Variants in EXOC6B observed in about 807,000 individuals in gnomAD.
EXOC6B encodes the protein exocyst complex component 6B.
EXOC6B carries 54 observed loss-of-function variants against 113.5 expected under a neutral mutation model. The ratio of observed to expected loss-of-function variants is 0.48; its 90% CI spans 0.38 to 0.60. The LOEUF (loss-of-function observed/expected upper bound fraction) is 0.60. EXOC6B is among the 20% of genes least tolerant of loss of function. The pLI is 0.00. For synonymous variants in EXOC6B, 357 were observed against 339.0 expected (o/e 1.05, Z -0.58); for missense variants, 797 against 977.5 (o/e 0.82, Z 2.46).
At chr2:72,768,551 C>G (rs976596748) in intron 1 of EXOC6B, among the ~76,000 whole-genome samples, 2 of 151,658 alleles carry the variant, frequency 1.3e-5, no homozygotes, top group African/African-American at 2.4e-5. Flanking sequence ...GTGATCCCCC[C>G]GCCTTGGCCT....
intron 1 of EXOC6B, among the ~76,000 whole-genome samples, chr2:72,800,256 G>A (rs1276687783): frequency 6.6e-6 from 1 of 152,032 alleles, no homozygotes; most frequent in Non-Finnish European, 1.5e-5. Flanking sequence ...CTCTATATAT[G>A]TAACTATTCA....
At chr2:72,181,826 A>C (rs1162235715) in intron 21 of EXOC6B, among the ~76,000 whole-genome samples, 1 of 152,124 alleles carries the variant, frequency 6.6e-6, no homozygotes, top group Non-Finnish European at 1.5e-5. Context: ...GCTGGTTTCT[A>C]CTCAGGAATG....
intron 20 of EXOC6B, among the ~76,000 whole-genome samples, chr2:72,189,024 T>A (rs1678634627): frequency 6.6e-6 from 1 of 152,218 alleles, no homozygotes. Flanking sequence ...GGATTAGGAA[T>A]ATTTTCTTAT....
intron 6 of EXOC6B, among the ~76,000 whole-genome samples, chr2:72,709,008 G>A (rs757725728): frequency 7.3e-6 from 1 of 136,218 alleles, no homozygotes; most frequent in Non-Finnish European, 1.5e-5. Context: ...CCTCCAAAGT[G>A]CTGGGATTAT....
At chr2:72,324,656 C>T (rs1249646264) in intron 20 of EXOC6B, among the ~76,000 whole-genome samples, 1 of 152,120 alleles carries the variant, frequency 6.6e-6, no homozygotes, top group Non-Finnish European at 1.5e-5. Flanking sequence ...TAGGAAATGA[C>T]ACCTCAGAGA....
intron 18 of EXOC6B, among the ~76,000 whole-genome samples, chr2:72,401,545 G>A (rs866577493): frequency 0.012 from 128 of 10,500 alleles, 13 homozygotes; most frequent in South Asian, 0.029. Flanking sequence ...ATATATATAT[G>A]TGTATATATA....
At chr2:72,385,379 C>G (rs1691944386) in intron 18 of EXOC6B, among the ~76,000 whole-genome samples, 1 of 149,850 alleles carries the variant, frequency 6.7e-6, no homozygotes, top group Admixed American at 6.6e-5. Flanking sequence ...AAGACTTAAA[C>G]ATAAGACCTG....
intron 6 of EXOC6B, among the ~76,000 whole-genome samples, chr2:72,620,655 C>T (rs1412150267): frequency 2.0e-5 from 3 of 151,524 alleles, no homozygotes; most frequent in Non-Finnish European, 2.9e-5. Flanking sequence ...AATTGAAAAC[C>T]GGAAGCAAGT....
chr2:72,275,586 T>G (rs1038214452), intron 20 of EXOC6B, among the ~76,000 whole-genome samples: 3 of 152,208 alleles, frequency 2.0e-5, no homozygotes, highest in African/African-American at 7.2e-5. Flanking sequence ...TTTTATTTTC[T>G]TATTAGTGCT....
At chr2:72,639,806 C>A (rs1673100523) in intron 6 of EXOC6B, among the ~76,000 whole-genome samples, 1 of 152,162 alleles carries the variant, frequency 6.6e-6, no homozygotes, top group Non-Finnish European at 1.5e-5. Context: ...GCTGAATCCA[C>A]CTTATACCAC....
At chr2:72,642,203 G>C (rs969385697) in intron 6 of EXOC6B, among the ~76,000 whole-genome samples, 3 of 151,344 alleles carry the variant, frequency 2.0e-5, no homozygotes, top group Non-Finnish European at 4.4e-5. Context: ...GTAATTTACA[G>C]ATTCAATGCC....
chr2:72,210,729 G>A (rs1680135520), intron 20 of EXOC6B, among the ~76,000 whole-genome samples: 1 of 152,160 alleles, frequency 6.6e-6, no homozygotes, highest in African/African-American at 2.4e-5. Context: ...TGGAAGCTTG[G>A]TTTGCACTTT....
At chr2:72,723,230 C>G (rs1038116884) in intron 5 of EXOC6B, among the ~76,000 whole-genome samples, 1 of 152,162 alleles carries the variant, frequency 6.6e-6, no homozygotes, top group Non-Finnish European at 1.5e-5. Context: ...CTAAGTTTCA[C>G]TTGTATGTGT....
intron 18 of EXOC6B, among the ~76,000 whole-genome samples, chr2:72,402,016 C>A (rs1310663774): frequency 1.3e-5 from 2 of 151,540 alleles, no homozygotes; most frequent in South Asian, 4.2e-4. Flanking sequence ...AAAAAAATGG[C>A]CTCATAGAAT....
intron 8 of EXOC6B, among the ~76,000 whole-genome samples, chr2:72,540,918 C>T (rs955515155): frequency 6.6e-6 from 1 of 152,126 alleles, no homozygotes; most frequent in African/African-American, 2.4e-5. Flanking sequence ...TGTTGCATTT[C>T]GTTGTCTTAT....
chr2:72,302,533 A>C (rs762420828), intron 20 of EXOC6B, among the ~76,000 whole-genome samples: 1 of 152,180 alleles, frequency 6.6e-6, no homozygotes, highest in Non-Finnish European at 1.5e-5. Context: ...ATATATACTT[A>C]AGATAATTAG....
chr2:72,471,974 G>C (rs1000237230), intron 17 of EXOC6B, among the ~76,000 whole-genome samples: 6 of 152,172 alleles, frequency 3.9e-5, no homozygotes, highest in Non-Finnish European at 7.3e-5. Flanking sequence ...CATCTATTAA[G>C]ATGACCATAT....
chr2:72,486,265 A>G (rs1699416173), intron 16 of EXOC6B, among the ~76,000 whole-genome samples: 1 of 152,042 alleles, frequency 6.6e-6, no homozygotes, highest in Non-Finnish European at 1.5e-5. Flanking sequence ...GCTACTCGGG[A>G]GGCTGAGGTA....
At position 72,272,791 on chromosome 2, in the gene EXOC6B, C is replaced by T. The variant is rs537561858; in HGVS notation, c.2196+62156G>A. Reference sequence around the variant, plus strand: ...ATGTTATTGGCATCATTCTTTTGTGCTAATTTATGGTAGAACTGGCCATTG... The same window carrying T: ...ATGTTATTGGCATCATTCTTTTGTGTTAATTTATGGTAGAACTGGCCATTG... On this transcript the variant is annotated intron_variant, in intron 20 of 21. Transcript: ENST00000272427. Among the ~76,000 whole-genome samples, 15 of 152,200 alleles carry T rather than the reference C, an allele frequency of 9.9e-5. No individual in the cohort carries two copies. In the East Asian group the frequency reaches 2.1e-3, roughly 22 times the overall value.
Sources: gnomAD v4.1 joint callset for allele counts (sites outside exome capture counted in the v4.1 genomes callset) on GRCh38, gnomAD v4.1.1 for gene constraint, MANE v1.5 for transcripts, NCBI Gene and HGNC (gene_info 2026-07-23, HGNC 2026-07-21) for gene names.